MCF2L2: variants seen among roughly 807,000 people sequenced by gnomAD.
MCF2L2 encodes the protein MCF.2 cell line derived transforming sequence-like 2, also known as probable guanine nucleotide exchange factor MCF2L2.
MCF2L2 carries 102 observed loss-of-function variants against 150.2 expected under a neutral mutation model. That is an observed-to-expected ratio of 0.68 (90% CI 0.58 to 0.80). MCF2L2 has a LOEUF of 0.80. Ranked by LOEUF, MCF2L2 falls within the 30% of genes least tolerant of loss-of-function variation. The pLI is 0.00. For missense variants in MCF2L2, 1,256 were observed against 1,372.8 expected (o/e 0.91, Z 1.34); for synonymous variants, 465 against 491.3 (o/e 0.95, Z 0.71).
chr3:183,412,638 T>C (rs986353429), intron 1 of MCF2L2, among the ~76,000 whole-genome samples: 2 of 152,336 alleles, frequency 1.3e-5, no homozygotes. Context: ...TAGGATTTTC[T>C]ATATACAAGA....
chr3:183,288,360 A>T (rs1727911368), intron 14 of MCF2L2, among the ~76,000 whole-genome samples: 1 of 152,066 alleles, frequency 6.6e-6, no homozygotes, highest in South Asian at 2.1e-4. Context: ...ACCTCATCCA[A>T]TGTTAACATC....
At chr3:183,263,976 G>A (rs961780627) in intron 15 of MCF2L2, among the ~76,000 whole-genome samples, 1 of 152,050 alleles carries the variant, frequency 6.6e-6, no homozygotes, top group South Asian at 2.1e-4. Context: ...GCATCAGTGT[G>A]AGCCCTTGAG....
At chr3:183,242,241 C>T (rs1724059625) in intron 15 of MCF2L2, among the ~76,000 whole-genome samples, 1 of 152,206 alleles carries the variant, frequency 6.6e-6, no homozygotes, top group Non-Finnish European at 1.5e-5. Flanking sequence ...AACCCATTTT[C>T]TGAGGAGAAA....
intron 23 of MCF2L2, among the ~76,000 whole-genome samples, chr3:183,207,360 G>A (rs1199219342): frequency 2.0e-5 from 3 of 152,130 alleles, no homozygotes; most frequent in Non-Finnish European, 4.4e-5. Context: ...TTACTAATTA[G>A]TTTGTCCAGA....
At chr3:183,260,743 G>A (rs1412856675) in intron 15 of MCF2L2, among the ~76,000 whole-genome samples, 3 of 152,196 alleles carry the variant, frequency 2.0e-5, no homozygotes, top group Non-Finnish European at 4.4e-5. Flanking sequence ...TTACATAGGT[G>A]GAGATCTTGT....
rs148808985 is a variant in MCF2L2 at position 183,397,391 on chromosome 3, G to A, written c.77-7612C>T. 4.5e-3 allele frequency among the ~76,000 whole-genome samples: 682 copies of A among 152,300 alleles called. 5 individuals carry two copies. Among genetic ancestry groups the A allele is most frequent in the African/African-American group, 0.015 (642 of 41,562 alleles). ...TACACTGAGTCCTCACGTGGCAGGA[G>A]AGATGGAAGAGGGAGGCAGCTGTCT... On this transcript the variant is annotated intron_variant, in intron 1 of 29. Coordinates refer to ENST00000328913, the MANE Select transcript of MCF2L2 (RefSeq NM_015078.4).
At chr3:183,377,026 G>A (rs1367124443) in intron 3 of MCF2L2, 3 of 152,086 alleles carry the variant, frequency 2.0e-5, no homozygotes, top group South Asian at 4.1e-4. Flanking sequence ...ATTCCAGAAT[G>A]GCATTTTTAA....
At chr3:183,337,919 A>G (rs16857342) in intron 5 of MCF2L2, among the ~76,000 whole-genome samples, 2,259 of 152,312 alleles carry the variant, frequency 0.015, 60 homozygotes, top group South Asian at 0.091. Flanking sequence ...TTGTTTTCTC[A>G]TATCTGTTTG....
intron 15 of MCF2L2, among the ~76,000 whole-genome samples, chr3:183,265,051 T>C (rs1725966993): frequency 6.6e-6 from 1 of 152,244 alleles, no homozygotes; most frequent in African/African-American, 2.4e-5. Flanking sequence ...AAGCAATTCT[T>C]TGTCCTCTTC....
intron 18 of MCF2L2, chr3:183,226,874 A>C (rs1265649809): frequency 6.6e-6 from 1 of 152,218 alleles, no homozygotes; most frequent in Non-Finnish European, 1.5e-5. Flanking sequence ...GAATGAGTAT[A>C]AAATAGTTTT....
chr3:183,248,673 C>T (rs1424734487), intron 15 of MCF2L2, among the ~76,000 whole-genome samples: 1 of 151,856 alleles, frequency 6.6e-6, no homozygotes, highest in Non-Finnish European at 1.5e-5. Context: ...TCCATTTCTA[C>T]TAAAAATAAA....
intron 1 of MCF2L2, among the ~76,000 whole-genome samples, chr3:183,391,599 C>T (rs1714155559): frequency 6.6e-6 from 1 of 152,140 alleles, no homozygotes; most frequent in Non-Finnish European, 1.5e-5. Context: ...TTCACTAAAA[C>T]TATGCATGGG....
chr3:183,194,545 C>T (rs1021623322), intron 26 of MCF2L2, among the ~76,000 whole-genome samples: 3 of 152,054 alleles, frequency 2.0e-5, no homozygotes, highest in African/African-American at 4.8e-5. Context: ...AAGTAGGAGG[C>T]AGGGCAGCCT....
intron 1 of MCF2L2, chr3:183,400,252 T>G: frequency 3.0e-6 from 1 of 331,562 alleles, no homozygotes; most frequent in Non-Finnish European, 6.0e-6. Context: ...AAGTAAGATT[T>G]TTTTTAATGT....
Position 183,227,839 on chromosome 3 carries a change from T to C in MCF2L2, c.2115+458A>G, listed in dbSNP as rs1723400594. On this transcript the variant is annotated intron_variant, in intron 18 of 29. Transcript: ENST00000328913. The surrounding 1 kb of genome is among the most constrained non-coding windows in gnomAD (Gnocchi z 4.0). ...ATATACTGTCTTGACAAATTGCAAG[T>C]GTACAGTACAGTATTATTCCATGAT... The C allele has an allele frequency of 6.5e-6, 1 of 152,674 alleles. No homozygotes were observed. Among genetic ancestry groups the C allele is most frequent in the Non-Finnish European group, 1.5e-5 (1 of 68,332 alleles). 9.5% of individuals were successfully genotyped at this position (152,674 alleles called of 1,614,324 possible).
At chr3:183,392,247 G>A (rs924088973) in intron 1 of MCF2L2, among the ~76,000 whole-genome samples, 1 of 152,180 alleles carries the variant, frequency 6.6e-6, no homozygotes, top group African/African-American at 2.4e-5. Flanking sequence ...ACAACATGGA[G>A]ACCCAGAGAG....
intron 1 of MCF2L2, among the ~76,000 whole-genome samples, chr3:183,401,331 T>C (rs898262585): frequency 3.9e-5 from 6 of 152,234 alleles, no homozygotes; most frequent in African/African-American, 1.4e-4. Context: ...TAAATGTTTT[T>C]ACACAAGCTT....
At chr3:183,199,658 A>T (rs1433758990) in intron 25 of MCF2L2, among the ~76,000 whole-genome samples, 2 of 149,642 alleles carry the variant, frequency 1.3e-5, no homozygotes, top group African/African-American at 5.0e-5. Flanking sequence ...GTTCTAGGGT[A>T]CGTGTGCACA....
chr3:183,395,617 G>C (rs1246344260), intron 1 of MCF2L2, among the ~76,000 whole-genome samples: 1 of 152,132 alleles, frequency 6.6e-6, no homozygotes, highest in African/African-American at 2.4e-5. Context: ...CCATCAAACA[G>C]ATCAAGAAAT....
Sources: allele counts gnomAD v4.1 joint callset (sites outside exome capture counted in the v4.1 genomes callset), GRCh38; gene constraint gnomAD v4.1.1; non-coding constraint Gnocchi (gnomAD v3.1); transcripts MANE v1.5; gene names NCBI Gene and HGNC (gene_info 2026-07-23, HGNC 2026-07-21).